Variants in SLC22A16 observed in about 807,000 individuals in gnomAD.
The protein encoded by SLC22A16 is solute carrier family 22 member 16, also known as WUGSC:RG331P03.1.
In SLC22A16, 53 loss-of-function variants were observed where a neutral mutation model predicts 52.9. That is an observed-to-expected ratio of 1.00 (90% CI 0.80 to 1.26). The LOEUF (loss-of-function observed/expected upper bound fraction) is 1.26, where lower values mean the gene tolerates loss of function less well. Ranked by LOEUF, SLC22A16 falls within the 50% of genes most tolerant of loss-of-function variation. SLC22A16 has a pLI of 0.00. For synonymous variants in SLC22A16, 291 were observed against 268.8 expected, an observed-to-expected ratio of 1.08 and a Z score of -0.81; for missense variants, 726 against 704.0, an observed-to-expected ratio of 1.03 and a Z score of -0.35.
At chr6:110,447,818 C>T (rs1381029060) in intron 2 of SLC22A16, among the ~76,000 whole-genome samples, 1 of 152,186 alleles carries the variant, frequency 6.6e-6, no homozygotes, top group African/African-American at 2.4e-5. Flanking sequence ...GCTTCTTCTG[C>T]GTTGTAGCAT....
chr6:110,433,909 C>G (rs925656191), intron 6 of SLC22A16, among the ~76,000 whole-genome samples: 1 of 152,124 alleles, frequency 6.6e-6, no homozygotes, highest in African/African-American at 2.4e-5. Flanking sequence ...ACTATTTACA[C>G]TTTAAAATAC....
At chr6:110,452,747 G>A (rs1401412655) in intron 2 of SLC22A16, among the ~76,000 whole-genome samples, 1 of 152,164 alleles carries the variant, frequency 6.6e-6, no homozygotes, top group Non-Finnish European at 1.5e-5. Context: ...AAACCTTATT[G>A]TAGAAACCTT....
chr6:110,474,875 A>G (rs1270130822), intron 1 of SLC22A16: 1 of 513,602 alleles, frequency 1.9e-6, no homozygotes, highest in African/African-American at 1.9e-5. Flanking sequence ...AACTAATATA[A>G]TTACCTCAGC....
chr6:110,460,749 C>T (rs1360048518), intron 1 of SLC22A16, among the ~76,000 whole-genome samples: 1 of 152,108 alleles, frequency 6.6e-6, no homozygotes, highest in African/African-American at 2.4e-5. Flanking sequence ...ATTGTATCAC[C>T]AGATCCCCCA....
intron 7 of SLC22A16, among the ~76,000 whole-genome samples, chr6:110,427,489 G>A (rs1467382346): frequency 6.6e-6 from 1 of 152,136 alleles, no homozygotes; most frequent in Non-Finnish European, 1.5e-5. Flanking sequence ...AAGGCACTTA[G>A]AACAGCGCCT....
chr6:110,470,502 C>G (rs888714740), intron 1 of SLC22A16, among the ~76,000 whole-genome samples: 3 of 152,140 alleles, frequency 2.0e-5, no homozygotes, highest in African/African-American at 7.2e-5. Flanking sequence ...TCCCACTGAC[C>G]CCATTTCCAG....
chr6:110,429,611 G>T (rs916467597), intron 7 of SLC22A16, among the ~76,000 whole-genome samples: 1 of 152,178 alleles, frequency 6.6e-6, no homozygotes, highest in East Asian at 1.9e-4. Flanking sequence ...CAAGCTGAGG[G>T]AAACACTTGG....
chr6:110,429,124 C>CAACTTA (rs2114881997), intron 7 of SLC22A16, among the ~76,000 whole-genome samples: 1 of 152,130 alleles, frequency 6.6e-6, no homozygotes, highest in Non-Finnish European at 1.5e-5. Flanking sequence ...TAAACACTTT[C>CAACTTA]TCATTTTATC....
At chr6:110,471,138 C>A (rs1055007046) in intron 1 of SLC22A16, among the ~76,000 whole-genome samples, 1 of 152,128 alleles carries the variant, frequency 6.6e-6, no homozygotes, top group African/African-American at 2.4e-5. Context: ...CAACAGTGGT[C>A]CCATAAGATT....
rs146182949 is a variant in SLC22A16 at position 110,442,269 on chromosome 6, A to C, written c.1158T>G (p.Asn386Lys). The change falls in exon 4 of 8, where the codon AAT (asparagine) becomes AAG (lysine). Residue 386 changes from asparagine (N) to lysine (K), a missense_variant. Asn to Lys is a moderately conservative substitution (Grantham distance 94). Transcript: ENST00000368919. ...CCAGGAGGAAGAGGTTTAAGTATTC[A>C]TTGCCTCCTAAGTTAACAGAATTCA... Reference protein sequence around the residue: ...FSLNSVNLGGNEYLNLFLLGV... With the variant: ...FSLNSVNLGGKEYLNLFLLGV... 18 of 1,614,120 alleles carry C rather than the reference A, an allele frequency of 1.1e-5. No homozygotes were observed. Among genetic ancestry groups the C allele is most frequent in the Non-Finnish European group, 1.5e-5 (18 of 1,180,010 alleles).
At chr6:110,435,268 A>G (rs1774677167) in intron 6 of SLC22A16, among the ~76,000 whole-genome samples, 1 of 152,190 alleles carries the variant, frequency 6.6e-6, no homozygotes, top group South Asian at 2.1e-4. Flanking sequence ...TGAGGCTGTT[A>G]GGGTGAGGCC....
In SLC22A16 at chr6:110,460,826, C is replaced by T. The variant is rs529298577; in HGVS notation, c.54-3809G>A. 2.8e-4 allele frequency among the ~76,000 whole-genome samples: 42 copies of T among 152,220 alleles called. 1 individual carries two copies. In the South Asian group the frequency reaches 3.7e-3, roughly 14 times the overall value. Reference sequence around the variant, plus strand: ...GGACCAGCAGGACCCTGGGGAGCTGCGGGAACCCCAGAAATCTAGCCCTCA... The same window carrying T: ...GGACCAGCAGGACCCTGGGGAGCTGTGGGAACCCCAGAAATCTAGCCCTCA... On this transcript the variant is annotated intron_variant, in intron 1 of 7. Coordinates refer to ENST00000368919, the MANE Select transcript of SLC22A16 (RefSeq NM_033125.4).
rs1187876917 is a variant in SLC22A16, at chr6:110,476,255, C to T, written c.53+267G>A. On this transcript the variant is annotated intron_variant, in intron 1 of 7. Transcript: ENST00000368919. ...AGCATCTGCTGCCGCGGAGAGCACG[C>T]ACCAGGTCCCTCCTGCCCGGCAACA... 4 of 1,039,628 alleles carry T rather than the reference C, an allele frequency of 3.8e-6. No individual in the cohort carries two copies. In the African/African-American group the frequency reaches 4.8e-5, roughly 12 times the overall value. 64.4% of individuals were successfully genotyped at this position (1,039,628 alleles called of 1,614,324 possible).
rs1386169384 is a variant in SLC22A16, at chr6:110,454,589, ATATATTTATATATATTATATAT to A, written c.533+1927_533+1948del. Among the ~76,000 whole-genome samples, 492 of 100,352 alleles carry A rather than the reference ATATATTTATATATATTATATAT, an allele frequency of 4.9e-3. 6 individuals are homozygous for A. Among genetic ancestry groups the A allele is most frequent in the African/African-American group, 0.019 (465 of 24,016 alleles). The allele number at this position is 100,352 out of a possible 152,430, so 65.8% of individuals were successfully genotyped here. On this transcript the variant is annotated intron_variant, in intron 2 of 7. Coordinates refer to ENST00000368919, the MANE Select transcript of SLC22A16 (RefSeq NM_033125.4). ...ATTATATATAATATTTATATATAATATATATTTATATATATTATATATTTTATATATAATATATATTTATATA... is the reference window on the plus strand; with the variant it reads ...ATTATATATAATATTTATATATAATATTTATATATAATATATATTTATATA...
chr6:110,442,422 A>T lies in SLC22A16; in HGVS notation c.1005T>A (p.Ser335Arg), dbSNP rs1337546978. ...GCTTCTGAACTTCAGTGGGGCTATT[A>T]CTAACAGGACCTTGTAGGTCCAGTG... ...LLSLDLQGPV[S>R]NSPTEVQKHN... The change falls in exon 4 of 8, where the codon AGT becomes AGA. Residue 335 changes from serine to arginine, a missense_variant. Coordinates refer to ENST00000368919, the MANE Select transcript of SLC22A16 (RefSeq NM_033125.4). 5.6e-6 allele frequency: 9 copies of T among 1,614,132 alleles called. No homozygotes were observed. The highest frequency in any genetic ancestry group is 1.7e-5 in the Admixed American group (1 of 60,010).
intron 2 of SLC22A16, among the ~76,000 whole-genome samples, chr6:110,452,054 A>G (rs570305426): frequency 1.5e-3 from 230 of 152,280 alleles, no homozygotes; most frequent in Non-Finnish European, 2.8e-3. Context: ...CTATGTGTCT[A>G]TACTTATGTT....
At chr6:110,458,738 T>C (rs1775760302) in intron 1 of SLC22A16, among the ~76,000 whole-genome samples, 1 of 152,134 alleles carries the variant, frequency 6.6e-6, no homozygotes, top group African/African-American at 2.4e-5. Flanking sequence ...AGGGCTTGAA[T>C]AAAACAAAAA....
intron 3 of SLC22A16, among the ~76,000 whole-genome samples, chr6:110,445,170 A>G (rs1323682426): frequency 6.6e-6 from 1 of 152,124 alleles, no homozygotes; most frequent in East Asian, 1.9e-4. Context: ...AATCCTACAA[A>G]GCCCCACCTA....
At chr6:110,471,679 A>G (rs941869972) in intron 1 of SLC22A16, among the ~76,000 whole-genome samples, 2 of 152,202 alleles carry the variant, frequency 1.3e-5, no homozygotes, top group Non-Finnish European at 2.9e-5. Context: ...TAAGGACAGT[A>G]GTGAGCTTGG....
Sources: allele counts gnomAD v4.1 joint callset (sites outside exome capture counted in the v4.1 genomes callset), GRCh38; gene constraint gnomAD v4.1.1; transcripts MANE v1.5; gene names NCBI Gene and HGNC (gene_info 2026-07-23, HGNC 2026-07-21).